TTC9: variants seen among roughly 807,000 people sequenced by gnomAD.
TTC9 encodes the protein tetratricopeptide repeat domain 9.
A neutral mutation model predicts 22.9 loss-of-function variants in TTC9; 13 were observed. That is an observed-to-expected ratio of 0.57 (90% CI 0.37 to 0.90). The LOEUF is 0.90. TTC9 is among the 40% of genes least tolerant of loss of function. The pLI is 0.01. For synonymous variants in TTC9, 148 were observed against 133.2 expected (o/e 1.11, Z -0.77); for missense variants, 280 against 291.8 (o/e 0.96, Z 0.29).
chr14:70,657,158 G>A (rs542616259), intron 1 of TTC9, among the ~76,000 whole-genome samples: 2 of 152,142 alleles, frequency 1.3e-5, no homozygotes, highest in African/African-American at 4.8e-5. Context: ...AGCTATTTTT[G>A]CCAACAGAGG....
intron 1 of TTC9, among the ~76,000 whole-genome samples, chr14:70,658,660 A>C (rs1317110407): frequency 6.6e-6 from 1 of 152,246 alleles, no homozygotes; most frequent in Non-Finnish European, 1.5e-5. Flanking sequence ...ACTGAAGCCA[A>C]CATCATAGTT....
intron 2 of TTC9, among the ~76,000 whole-genome samples, chr14:70,670,378 G>A (rs1886275438): frequency 6.6e-6 from 1 of 152,206 alleles, no homozygotes; most frequent in Non-Finnish European, 1.5e-5. Flanking sequence ...TGTTGGCTGG[G>A]CGCGGTGGCT....
rs1246370567 is a variant in TTC9, at chr14:70,672,834, T to C, written c.*1679T>C. ...CAAGGTTGCATGGCCTTTAGTGGCA[T>C]AGCTAGGATTTGAACCAGGCCTGCC... On this transcript the variant is annotated 3_prime_UTR_variant, in exon 3 of 3. Coordinates refer to ENST00000256367, the MANE Select transcript of TTC9 (RefSeq NM_015351.2). The C allele has an allele frequency of 3.9e-5, 6 of 152,254 alleles. No individual in the cohort carries two copies. Among genetic ancestry groups the C allele is most frequent in the Non-Finnish European group, 7.3e-5 (5 of 68,054 alleles). 9.4% of individuals were successfully genotyped at this position (152,254 alleles called of 1,614,324 possible). A position where few individuals can be genotyped will look rare whatever the true frequency, so the allele number is the denominator to read the frequency against.
At chr14:70,667,290 A>G (rs1389987457) in intron 1 of TTC9, among the ~76,000 whole-genome samples, 1 of 152,218 alleles carries the variant, frequency 6.6e-6, no homozygotes, top group Non-Finnish European at 1.5e-5. Context: ...TGTGTACTGC[A>G]GGTTAGGACT....
At chr14:70,663,855 G>A (rs1204976687) in intron 1 of TTC9, among the ~76,000 whole-genome samples, 3 of 152,134 alleles carry the variant, frequency 2.0e-5, no homozygotes, top group Non-Finnish European at 2.9e-5. Flanking sequence ...GGGGCTGTGT[G>A]GGTTTCCGAT....
intron 1 of TTC9, among the ~76,000 whole-genome samples, chr14:70,653,871 G>C (rs1378741504): frequency 2.0e-5 from 3 of 152,184 alleles, no homozygotes; most frequent in African/African-American, 7.2e-5. Flanking sequence ...AAGAAAGAAG[G>C]CTTTCTGGTG....
intron 1 of TTC9, among the ~76,000 whole-genome samples, chr14:70,644,146 C>A (rs982830062): frequency 3.3e-5 from 5 of 152,296 alleles, no homozygotes; most frequent in Admixed American, 3.3e-4. Context: ...TCAGTATTAT[C>A]CATGGACATT....
intron 1 of TTC9, among the ~76,000 whole-genome samples, chr14:70,667,306 A>T (rs1281627237): frequency 2.6e-5 from 4 of 152,238 alleles, no homozygotes; most frequent in Non-Finnish European, 5.9e-5. Flanking sequence ...GGACTTCAAC[A>T]TATCTTTTGG....
At position 70,642,401 on chromosome 14, in the gene TTC9, T is replaced by A; in HGVS notation, c.272T>A (p.Leu91Gln). The A allele has an allele frequency of 6.2e-7, 1 of 1,601,208 alleles. No individual in the cohort carries two copies. The highest frequency in any genetic ancestry group is 1.1e-5 in the South Asian group (1 of 89,044). ...GCGTTGCTGGAGCTGAAGGGGCTGC[T>A]GCCGCCCCCCGGGGAACGGGAGCGG... ...HRALLELKGLLPPPGERERDS... is the reference protein window; with the variant it reads ...HRALLELKGLQPPPGERERDS... The change falls in exon 1 of 3, where the codon CTG becomes CAG. Residue 91 changes from leucine to glutamine, a missense_variant. Physicochemically the swap from Leu to Gln is moderately radical, Grantham distance 113 (BLOSUM62 -2). Transcript: ENST00000256367.
Position 70,666,614 on chromosome 14 carries a change from G to A in TTC9, c.407-950G>A, listed in dbSNP as rs1437295630. Among the ~76,000 whole-genome samples, 8 of 152,106 alleles carry A rather than the reference G, an allele frequency of 5.3e-5. No individual in the cohort carries two copies. The East Asian group carries it at 1.5e-3, about 29-fold the overall frequency. ...TATAATCCCTCCAACAACTAGATTAGGAAGGACTTGGATTCTGGAGCCAGA... is the reference window on the plus strand; with the variant it reads ...TATAATCCCTCCAACAACTAGATTAAGAAGGACTTGGATTCTGGAGCCAGA... On this transcript the variant is annotated intron_variant, in intron 1 of 2. Transcript: ENST00000256367.
chr14:70,645,973 T>C (rs1035812370), intron 1 of TTC9, among the ~76,000 whole-genome samples: 1 of 152,204 alleles, frequency 6.6e-6, no homozygotes, highest in African/African-American at 2.4e-5. Context: ...AGTGAACCCT[T>C]GTACTCCACA....
chr14:70,665,904 G>A (rs61980475), intron 1 of TTC9, among the ~76,000 whole-genome samples: 1,828 of 152,224 alleles, frequency 0.012, 16 homozygotes, highest in South Asian at 0.031. Flanking sequence ...AGAAGGAACA[G>A]AGCATCAGCA....
intron 2 of TTC9, 148 bp from the exon 3 acceptor site, chr14:70,670,928 C>T (rs1187311655): frequency 1.7e-5 from 11 of 642,702 alleles, no homozygotes; most frequent in Non-Finnish European, 2.9e-5. Flanking sequence ...TCTAGTTGCC[C>T]TCTCAGCCAC....
At chr14:70,642,561 C>T in intron 1 of TTC9, 26 bp downstream of exon 1, 1 of 1,518,608 alleles carries the variant, frequency 6.6e-7, no homozygotes, top group Non-Finnish European at 8.8e-7. Context: ...CCCCCCGCGC[C>T]GCGGTCCCCG....
chr14:70,672,759 G>C lies in TTC9; in HGVS notation c.*1604G>C, dbSNP rs1331270867. Reference sequence around the variant, plus strand: ...TTTCATGCAGTTACTCTGGGATACTGTTCCCATTTGATGGGTAAGAATATT... The same window carrying C: ...TTTCATGCAGTTACTCTGGGATACTCTTCCCATTTGATGGGTAAGAATATT... On this transcript the variant is annotated 3_prime_UTR_variant, in exon 3 of 3. Transcript: ENST00000256367. The C allele has an allele frequency of 2.0e-5, 3 of 152,192 alleles. No individual in the cohort carries two copies. Among genetic ancestry groups the C allele is most frequent in the African/African-American group, 7.2e-5 (3 of 41,450 alleles). The allele number at this position is 152,192 out of a possible 1,614,324, so 9.4% of individuals were successfully genotyped here. A position where few individuals can be genotyped will look rare whatever the true frequency, so the allele number is the denominator to read the frequency against.
intron 1 of TTC9, among the ~76,000 whole-genome samples, chr14:70,645,013 G>A (rs1444607074): frequency 6.6e-6 from 1 of 152,182 alleles, no homozygotes; most frequent in Non-Finnish European, 1.5e-5. Context: ...TGGGGAGGCT[G>A]AGGCAGGAGA....
At chr14:70,655,004 G>A (rs1026219404) in intron 1 of TTC9, among the ~76,000 whole-genome samples, 2 of 152,162 alleles carry the variant, frequency 1.3e-5, no homozygotes, top group Non-Finnish European at 2.9e-5. Context: ...GTTTACTATG[G>A]TTCCTTATGT....
At chr14:70,659,201 T>G (rs1208231752) in intron 1 of TTC9, among the ~76,000 whole-genome samples, 1 of 151,092 alleles carries the variant, frequency 6.6e-6, no homozygotes, top group Non-Finnish European at 1.5e-5. Flanking sequence ...CTGAATAAGA[T>G]CTGTGGATTC....
intron 2 of TTC9, among the ~76,000 whole-genome samples, chr14:70,670,766 T>C (rs1236165200): frequency 1.3e-5 from 2 of 152,256 alleles, no homozygotes; most frequent in Middle Eastern, 3.4e-3. Flanking sequence ...CTAAACTAAC[T>C]GCGCCGGCTG....
Sources: gnomAD v4.1 joint callset for allele counts (sites outside exome capture counted in the v4.1 genomes callset) on GRCh38, gnomAD v4.1.1 for gene constraint, MANE v1.5 for transcripts, NCBI Gene and HGNC (gene_info 2026-07-23, HGNC 2026-07-21) for gene names.